Variants in TACR3 observed in about 807,000 individuals in gnomAD.
The protein encoded by TACR3 is neuromedin-K receptor.
In TACR3, 34 loss-of-function variants were observed where a neutral mutation model predicts 35.0. The observed-to-expected ratio is 0.97, with a 90% CI of 0.74 to 1.30. The LOEUF (loss-of-function observed/expected upper bound fraction) is 1.30, where lower values mean the gene tolerates loss of function less well. Among genes scored for constraint, TACR3 ranks in the 50% most tolerant of loss-of-function variants. The pLI is 0.00. For missense variants in TACR3, 558 were observed against 591.7 expected (o/e 0.94, Z 0.59); for synonymous variants, 233 against 221.1 (o/e 1.05, Z -0.48).
chr4:103,695,159 A>G (rs1464164216), intron 1 of TACR3, among the ~76,000 whole-genome samples: 2 of 152,182 alleles, frequency 1.3e-5, no homozygotes, highest in African/African-American at 2.4e-5. Context: ...AATAACTGGT[A>G]TACTTTTACC....
In TACR3 at chr4:103,684,988, TA is replaced by T. The variant is rs1722195262; in HGVS notation, c.549-26586del. Among the ~76,000 whole-genome samples, 9 of 40,864 alleles carry T rather than the reference TA, an allele frequency of 2.2e-4. No homozygotes were observed. In the East Asian group the frequency reaches 0.031, roughly 140 times the overall value. 26.8% of individuals were successfully genotyped at this position (40,864 alleles called of 152,430 possible). A position where few individuals can be genotyped will look rare whatever the true frequency, so the allele number is the denominator to read the frequency against. On this transcript the variant is annotated intron_variant, in intron 1 of 4. Transcript: ENST00000304883. Reference sequence around the variant, plus strand: ...ACAGAGCAAGGCTCCATCTCAAAATTAAATAAATAAATAAATAAATAAATAA... The same window carrying T: ...ACAGAGCAAGGCTCCATCTCAAAATTAATAAATAAATAAATAAATAAATAA...
chr4:103,590,193 T>C (rs1215398382), intron 4 of TACR3, among the ~76,000 whole-genome samples, 199 bp from the exon 5 acceptor site: 1 of 151,986 alleles, frequency 6.6e-6, no homozygotes, highest in East Asian at 1.9e-4. Flanking sequence ...TAATTTCCCA[T>C]TAATGAGAAG....
intron 3 of TACR3, among the ~76,000 whole-genome samples, chr4:103,595,881 C>A (rs940551246): frequency 5.6e-5 from 8 of 143,784 alleles, no homozygotes; most frequent in Non-Finnish European, 1.2e-4. Context: ...GGTATATCTC[C>A]CAATGCTATC....
intron 1 of TACR3, among the ~76,000 whole-genome samples, chr4:103,704,244 CAA>C (rs1722734446): frequency 1.3e-5 from 2 of 151,356 alleles, no homozygotes; most frequent in South Asian, 4.2e-4. Context: ...ATGCTGAGGG[CAA>C]AGTTTGTAAC....
intron 1 of TACR3, among the ~76,000 whole-genome samples, chr4:103,699,982 A>G (rs1426966626): frequency 6.6e-6 from 1 of 152,162 alleles, no homozygotes; most frequent in African/African-American, 2.4e-5. Context: ...TACGAGCCAT[A>G]TCTACTTTGT....
chr4:103,681,398 A>G (rs1265459218), intron 1 of TACR3, among the ~76,000 whole-genome samples: 3 of 152,080 alleles, frequency 2.0e-5, no homozygotes, highest in African/African-American at 7.2e-5. Context: ...TTTATAATTC[A>G]TTTGAAATCA....
intron 3 of TACR3, among the ~76,000 whole-genome samples, chr4:103,653,464 A>G (rs1345726328): frequency 6.6e-6 from 1 of 152,108 alleles, no homozygotes; most frequent in African/African-American, 2.4e-5. Flanking sequence ...GTTTATTTTA[A>G]TTTGTTTAGG....
At chr4:103,607,294 T>C (rs180908443) in intron 3 of TACR3, among the ~76,000 whole-genome samples, 1 of 152,208 alleles carries the variant, frequency 6.6e-6, no homozygotes, top group African/African-American at 2.4e-5. Context: ...ATTAGCATAG[T>C]TTTTGAGTTT....
chr4:103,664,216 CT>C (rs1443349869), intron 1 of TACR3, among the ~76,000 whole-genome samples: 2 of 152,144 alleles, frequency 1.3e-5, no homozygotes, highest in Non-Finnish European at 2.9e-5. Flanking sequence ...TACTAGACCG[CT>C]TTGCTTTACC....
At chr4:103,649,972 C>T (rs1192732889) in intron 3 of TACR3, among the ~76,000 whole-genome samples, 1 of 152,002 alleles carries the variant, frequency 6.6e-6, no homozygotes, top group Non-Finnish European at 1.5e-5. Flanking sequence ...CCCATTTGGA[C>T]CCATCCTTCT....
intron 3 of TACR3, among the ~76,000 whole-genome samples, chr4:103,642,961 G>T (rs898046382): frequency 7.9e-5 from 12 of 151,834 alleles, no homozygotes; most frequent in Admixed American, 3.9e-4. Context: ...GTATCAATAT[G>T]AAATTTCAAA....
At chr4:103,677,937 A>C (rs1324996855) in intron 1 of TACR3, among the ~76,000 whole-genome samples, 1 of 152,080 alleles carries the variant, frequency 6.6e-6, no homozygotes, top group Non-Finnish European at 1.5e-5. Context: ...GAAAGAAAAA[A>C]AAAAGCATAT....
intron 3 of TACR3, among the ~76,000 whole-genome samples, chr4:103,631,830 C>T (rs1169353901): frequency 6.6e-6 from 1 of 152,146 alleles, no homozygotes; most frequent in Non-Finnish European, 1.5e-5. Flanking sequence ...GTGAGTAAAG[C>T]ACTGCTCTTG....
chr4:103,644,227 T>A (rs1289180282), intron 3 of TACR3, among the ~76,000 whole-genome samples: 2 of 151,570 alleles, frequency 1.3e-5, no homozygotes, highest in Admixed American at 6.6e-5. Flanking sequence ...TACCATGAGG[T>A]GGGGTAGATA....
intron 3 of TACR3, among the ~76,000 whole-genome samples, chr4:103,647,115 G>A (rs1398250340): frequency 3.3e-5 from 5 of 151,732 alleles, no homozygotes. Context: ...TTTTACAACT[G>A]CAAGTGTATT....
At chr4:103,626,259 T>C (rs1724888142) in intron 3 of TACR3, among the ~76,000 whole-genome samples, 1 of 152,208 alleles carries the variant, frequency 6.6e-6, no homozygotes, top group Admixed American at 6.5e-5. Context: ...TTTACATAGG[T>C]GCTTCTGTGG....
chr4:103,681,784 C>G (rs1210585642), intron 1 of TACR3, among the ~76,000 whole-genome samples: 1 of 152,018 alleles, frequency 6.6e-6, no homozygotes. Flanking sequence ...TTATGGAGCA[C>G]TGAGTCAAAC....
intron 3 of TACR3, among the ~76,000 whole-genome samples, chr4:103,617,874 C>T (rs1724695788): frequency 6.6e-6 from 1 of 151,970 alleles, no homozygotes; most frequent in Admixed American, 6.6e-5. Context: ...TAACTAGTAT[C>T]ATTTTGAAAG....
chr4:103,703,090 AT>A (rs1239991445), intron 1 of TACR3, among the ~76,000 whole-genome samples: 3 of 152,328 alleles, frequency 2.0e-5, no homozygotes, highest in Admixed American at 6.5e-5. Context: ...GCTGTAAAAA[AT>A]ATACCTCAAA....
Sources: allele counts gnomAD v4.1 joint callset (sites outside exome capture counted in the v4.1 genomes callset), GRCh38; gene constraint gnomAD v4.1.1; transcripts MANE v1.5; gene names NCBI Gene and HGNC (gene_info 2026-07-23, HGNC 2026-07-21).